SIPA1L2: variants seen among roughly 807,000 people sequenced by gnomAD.
SIPA1L2 encodes the protein signal-induced proliferation-associated 1-like protein 2.
Under a neutral mutation model 163.9 loss-of-function variants are expected in SIPA1L2, and 56 were observed. That is an observed-to-expected ratio of 0.34 (90% CI 0.28 to 0.43). The LOEUF is 0.43. Ranked by LOEUF, SIPA1L2 falls within the 20% of genes least tolerant of loss-of-function variation. The probability of loss-of-function intolerance (pLI) is 1.00; values close to 1 mark genes in which losing one functional copy is unlikely to be tolerated. For synonymous variants in SIPA1L2, 877 were observed against 865.7 expected, an observed-to-expected ratio of 1.01 and a Z score of -0.23; for missense variants, 1,974 against 2,193.5, an observed-to-expected ratio of 0.90 and a Z score of 2.00.
chr1:232,515,281 T>G lies in SIPA1L2; in HGVS notation c.59A>C (p.Lys20Thr). The G allele has an allele frequency of 3.7e-6, 6 of 1,613,498 alleles. No individual in the cohort carries two copies. The highest frequency in any genetic ancestry group is 5.1e-6 in the Non-Finnish European group (6 of 1,179,680). ...EKHKLGRASSKFKDPPRIMQS... is the reference protein window; with the variant it reads ...EKHKLGRASSTFKDPPRIMQS... Reference sequence around the variant, plus strand: ...CATGATTCTAGGGGGATCCTTGAACTTTGAAGAGGCTCTGCCTAGCTTGTG... The same window carrying G: ...CATGATTCTAGGGGGATCCTTGAACGTTGAAGAGGCTCTGCCTAGCTTGTG... The change falls in exon 3 of 23, where the codon AAG (lysine) becomes ACG (threonine). Residue 20 changes from lysine (K) to threonine (T), a missense_variant. This residue lies in a region of SIPA1L2 where 607 missense variants were observed against 624.0 expected (regional missense o/e 0.97). Transcript: ENST00000674635.
chr1:232,501,549 C>G (rs1367125619), intron 3 of SIPA1L2, among the ~76,000 whole-genome samples: 1 of 152,162 alleles, frequency 6.6e-6, no homozygotes, highest in Non-Finnish European at 1.5e-5. Flanking sequence ...TGGGGCTGAG[C>G]ACCTCATTGT....
intron 1 of SIPA1L2, among the ~76,000 whole-genome samples, chr1:232,626,315 T>C (rs1006628308): frequency 6.6e-6 from 1 of 151,846 alleles, no homozygotes; most frequent in East Asian, 1.9e-4. Context: ...AGGTCCTTTC[T>C]GGCCCAAAGG....
At chr1:232,482,565 C>T (rs938648754) in intron 6 of SIPA1L2, among the ~76,000 whole-genome samples, 3 of 152,176 alleles carry the variant, frequency 2.0e-5, no homozygotes, top group African/African-American at 7.2e-5. Context: ...ATGTAACAGT[C>T]AAACTCCAGC....
Position 232,398,972 on chromosome 1 carries a change from G to C in SIPA1L2, c.*155C>G. Reference sequence around the variant, plus strand: ...CTGCCGTGGTTACCGAGAAAGAGTCGAGGCTCCCTATCCTGCTGTGGTGAA... The same window carrying C: ...CTGCCGTGGTTACCGAGAAAGAGTCCAGGCTCCCTATCCTGCTGTGGTGAA... On this transcript the variant is annotated 3_prime_UTR_variant, in exon 23 of 23. Transcript: ENST00000674635. 1 of 992,980 alleles carries C rather than the reference G, an allele frequency of 1.0e-6. No individual in the cohort carries two copies. The allele number at this position is 992,980 out of a possible 1,614,324, so 61.5% of individuals were successfully genotyped here. A position where few individuals can be genotyped will look rare whatever the true frequency, so the allele number is the denominator to read the frequency against.
At chr1:232,428,687 G>T (rs917083128) in intron 16 of SIPA1L2, 123 bp from the exon 17 acceptor site, 1 of 630,236 alleles carries the variant, frequency 1.6e-6, no homozygotes, top group Non-Finnish European at 2.4e-6. Flanking sequence ...TAGGTCTTAA[G>T]TCAGTTCACT....
chr1:232,460,912 G>A lies in SIPA1L2; in HGVS notation c.3070C>T (p.Pro1024Ser), dbSNP rs1351248791. Residue 1024 changes from proline (P) to serine (S), a missense_variant, in exon 10 of 23, where the codon CCC becomes TCC. Physicochemically the swap from Pro to Ser is moderately conservative, Grantham distance 74 (BLOSUM62 -1). Transcript: ENST00000674635. ...SVTVKVVIIQ[P>S]HDDGSPRRGC... ...CTTCGGGGCGAGCCGTCATCATGGG[G>A]CTGGATGATGACCACCTTCACAGTC... 6.2e-7 allele frequency: 1 copy of A among 1,613,974 alleles called. No individual in the cohort carries two copies. The highest frequency in any genetic ancestry group is 1.3e-5 in the African/African-American group (1 of 74,952).
At chr1:232,503,535 T>C (rs1224088271) in intron 3 of SIPA1L2, among the ~76,000 whole-genome samples, 5 of 152,224 alleles carry the variant, frequency 3.3e-5, no homozygotes, top group Non-Finnish European at 7.3e-5. Flanking sequence ...TTACAGGATT[T>C]ATCAAAGCTG....
intron 2 of SIPA1L2, among the ~76,000 whole-genome samples, chr1:232,559,525 A>T (rs2102740535): frequency 6.6e-6 from 1 of 152,358 alleles, no homozygotes; most frequent in African/African-American, 2.4e-5. Flanking sequence ...CTATTTATAA[A>T]GACCATGAAA....
At chr1:232,491,130 T>C (rs1417196003) in intron 4 of SIPA1L2, 68 bp from the exon 5 acceptor site, 17 of 1,415,674 alleles carry the variant, frequency 1.2e-5, no homozygotes, top group South Asian at 2.7e-5. Flanking sequence ...GCCTAACTGT[T>C]TGGCTGCCTT....
chr1:232,606,956 T>C (rs1333295645), intron 1 of SIPA1L2, among the ~76,000 whole-genome samples: 1 of 152,020 alleles, frequency 6.6e-6, no homozygotes, highest in East Asian at 1.9e-4. Context: ...GTCTAGTAAA[T>C]ATTTGCTAAT....
intron 1 of SIPA1L2, among the ~76,000 whole-genome samples, chr1:232,611,790 A>G (rs946613767): frequency 2.6e-5 from 4 of 152,150 alleles, no homozygotes; most frequent in African/African-American, 9.7e-5. Context: ...AAGAAATCCT[A>G]TTTTCTGAGG....
chr1:232,403,342 T>A lies in SIPA1L2; in HGVS notation c.4940+106A>T. 7.3e-6 allele frequency: 10 copies of A among 1,378,512 alleles called. No individual in the cohort carries two copies. In the South Asian group the frequency reaches 1.4e-4, roughly 19 times the overall value. 85.4% of individuals were successfully genotyped at this position (1,378,512 alleles called of 1,614,324 possible). On this transcript the variant is annotated intron_variant, in intron 21 of 22. Coordinates refer to ENST00000674635, the MANE Select transcript of SIPA1L2 (RefSeq NM_020808.5). ...GATTCTTCAGGACTGGGAAAGGGCA[T>A]GGTGCAATATGGTCGCCCGCCTGGC...
At chr1:232,447,342 T>TGC (rs1663277155) in intron 10 of SIPA1L2, among the ~76,000 whole-genome samples, 2 of 152,244 alleles carry the variant, frequency 1.3e-5, no homozygotes, top group African/African-American at 4.8e-5. Context: ...GCATGTTGTC[T>TGC]ATCTACCCCC....
At chr1:232,416,024 GAGTC>G (rs377422185) in intron 18 of SIPA1L2, among the ~76,000 whole-genome samples, 1 of 93,898 alleles carries the variant, frequency 1.1e-5, no homozygotes, top group African/African-American at 6.0e-5. Context: ...GTCCCTCCCA[GAGTC>G]AGTCAGTCAG....
chr1:232,630,142 G>T (rs1197520356), upstream of SIPA1L2, among the ~76,000 whole-genome samples: 1 of 151,274 alleles, frequency 6.6e-6, no homozygotes, highest in African/African-American at 2.4e-5. Context: ...CTGCCGCGCC[G>T]GCTCCCGATG....
At chr1:232,513,527 A>C (rs1213941410) in intron 3 of SIPA1L2, among the ~76,000 whole-genome samples, 1 of 152,250 alleles carries the variant, frequency 6.6e-6, no homozygotes, top group Non-Finnish European at 1.5e-5. Context: ...AGAATTAATC[A>C]GGGAAGACTT....
intron 3 of SIPA1L2, among the ~76,000 whole-genome samples, chr1:232,503,391 G>C (rs1666575724): frequency 6.6e-6 from 1 of 152,220 alleles, no homozygotes; most frequent in Admixed American, 6.5e-5. Context: ...CCCAAAAGCT[G>C]TTTCTAGATA....
At chr1:232,533,481 A>G (rs1657110003) in intron 2 of SIPA1L2, among the ~76,000 whole-genome samples, 1 of 152,220 alleles carries the variant, frequency 6.6e-6, no homozygotes, top group Admixed American at 6.5e-5. Flanking sequence ...GACTGCAGCT[A>G]TCACTGACCT....
chr1:232,524,116 T>TAA (rs1303747550), intron 2 of SIPA1L2, among the ~76,000 whole-genome samples: 1 of 152,150 alleles, frequency 6.6e-6, no homozygotes, highest in African/African-American at 2.4e-5. Context: ...TTGTCTGATA[T>TAA]AAAAAAACCC....
Sources: gnomAD v4.1 joint callset for allele counts (sites outside exome capture counted in the v4.1 genomes callset) on GRCh38, gnomAD v4.1.1 for gene constraint, gnomAD v4.1.1 regional missense constraint, MANE v1.5 for transcripts, NCBI Gene and HGNC (gene_info 2026-07-23, HGNC 2026-07-21) for gene names.